CLEC16A: variants seen among roughly 807,000 people sequenced by gnomAD.
CLEC16A encodes C-type lectin domain containing 16A, also known as protein CLEC16A.
CLEC16A carries 51 observed loss-of-function variants against 109.5 expected under a neutral mutation model. The observed-to-expected ratio is 0.47, with a 90% confidence interval of 0.37 to 0.59. The LOEUF (loss-of-function observed/expected upper bound fraction) is 0.59. Among genes scored for constraint, CLEC16A ranks in the 20% least tolerant of loss-of-function variants. The pLI is 0.00. For missense variants in CLEC16A, 1,339 were observed against 1,394.0 expected (o/e 0.96, Z 0.63); for synonymous variants, 673 against 564.2 (o/e 1.19, Z -2.73).
chr16:11,168,420 G>A (rs11640376), intron 23 of CLEC16A, among the ~76,000 whole-genome samples: 14 of 152,092 alleles, frequency 9.2e-5, no homozygotes, highest in South Asian at 2.1e-4. Flanking sequence ...CATTTGGTGC[G>A]TCCCCAGCAG....
intron 19 of CLEC16A, among the ~76,000 whole-genome samples, chr16:11,076,856 G>A (rs1265881271): frequency 6.6e-6 from 1 of 152,134 alleles, no homozygotes; most frequent in Admixed American, 6.5e-5. Context: ...CCCACCCCAG[G>A]GCCTGCTGGG....
intron 19 of CLEC16A, among the ~76,000 whole-genome samples, chr16:11,115,586 C>T (rs891727664): frequency 2.0e-5 from 3 of 152,090 alleles, no homozygotes; most frequent in East Asian, 1.9e-4. Context: ...TTGCACAGGC[C>T]GGTGTGGAAC....
intron 11 of CLEC16A, among the ~76,000 whole-genome samples, chr16:11,016,210 C>G (rs60573313): frequency 0.039 from 5,832 of 149,150 alleles, 415 homozygotes; most frequent in African/African-American, 0.14. Context: ...GGTCCATACC[C>G]ACTTTGGAGA....
In CLEC16A at chr16:10,966,040, C is replaced by T. The variant is rs923695890; in HGVS notation, c.344-3121C>T. On this transcript the variant is annotated intron_variant, in intron 3 of 23. Coordinates refer to ENST00000409790, the MANE Select transcript of CLEC16A (RefSeq NM_015226.3). ...AGCTCCTTATCCTGCCAGCCCATTA[C>T]CCCTCCCTACTTCTCCCCCAGCAAG... Among the ~76,000 whole-genome samples the T allele has an allele frequency of 1.5e-4, 23 of 152,160 alleles. 1 individual carries two copies. Among genetic ancestry groups the T allele is most frequent in the African/African-American group, 2.9e-4 (12 of 41,434 alleles).
chr16:11,037,261 C>T (rs936380328), intron 13 of CLEC16A, among the ~76,000 whole-genome samples: 1 of 152,176 alleles, frequency 6.6e-6, no homozygotes. Context: ...TGTGTGGGTG[C>T]TGCCACCCTT....
At chr16:11,143,283 A>G (rs1035114456) in intron 22 of CLEC16A, among the ~76,000 whole-genome samples, 1 of 152,178 alleles carries the variant, frequency 6.6e-6, no homozygotes, top group Non-Finnish European at 1.5e-5. Flanking sequence ...GATGGGGAAG[A>G]CATCTTTGAG....
rs764374031 is a variant in CLEC16A, at chr16:11,115,237, A to G, written c.2117-5378A>G. 1.7e-4 allele frequency among the ~76,000 whole-genome samples: 26 copies of G among 152,198 alleles called. 1 individual carries two copies. Among genetic ancestry groups the G allele is most frequent in the Non-Finnish European group, 3.2e-4 (22 of 68,022 alleles). ...AGAAGGTAGTCAAGTTGTCCTGTGTAGAGTGAGGAAAGGGAAAGGAGAGGA... is the reference window on the plus strand; with the variant it reads ...AGAAGGTAGTCAAGTTGTCCTGTGTGGAGTGAGGAAAGGGAAAGGAGAGGA... On this transcript the variant is annotated intron_variant, in intron 19 of 23. Transcript: ENST00000409790.
At chr16:11,083,920 T>C (rs2049871787) in intron 19 of CLEC16A, among the ~76,000 whole-genome samples, 1 of 152,128 alleles carries the variant, frequency 6.6e-6, no homozygotes, top group Non-Finnish European at 1.5e-5. Context: ...GAAACCAGCT[T>C]TTCACCTTGT....
intron 1 of CLEC16A, 94 bp downstream of exon 1, chr16:10,944,891 C>A: frequency 1.7e-6 from 2 of 1,208,918 alleles, no homozygotes; most frequent in South Asian, 1.4e-5. Context: ...GTGAGAGCGG[C>A]GGCGAAGGGC....
chr16:10,997,271 T>C (rs2044386314), intron 10 of CLEC16A, among the ~76,000 whole-genome samples: 1 of 152,218 alleles, frequency 6.6e-6, no homozygotes, highest in Non-Finnish European at 1.5e-5. Flanking sequence ...CTGGGAAAGT[T>C]TTTAAATTGA....
intron 19 of CLEC16A, among the ~76,000 whole-genome samples, chr16:11,082,644 G>A (rs1360667117): frequency 6.6e-6 from 1 of 152,168 alleles, no homozygotes; most frequent in African/African-American, 2.4e-5. Context: ...GGCCAGCTCA[G>A]CCCTGGCGAT....
chr16:11,119,644 G>C (rs534706045), intron 19 of CLEC16A, among the ~76,000 whole-genome samples: 2 of 152,056 alleles, frequency 1.3e-5, no homozygotes, highest in African/African-American at 4.8e-5. Context: ...CTCCCTCCTC[G>C]GACTCCCAAA....
chr16:10,966,888 C>G (rs2042537337), intron 3 of CLEC16A, among the ~76,000 whole-genome samples: 1 of 152,126 alleles, frequency 6.6e-6, no homozygotes, highest in Non-Finnish European at 1.5e-5. Flanking sequence ...CATAGCCAAA[C>G]CATATCATAC....
At chr16:10,984,777 A>G (rs577524672) in intron 10 of CLEC16A, among the ~76,000 whole-genome samples, 12 of 152,364 alleles carry the variant, frequency 7.9e-5, no homozygotes, top group African/African-American at 2.9e-4. Context: ...AGTCAGCAGA[A>G]TCAGCAGGGC....
At chr16:10,989,070 A>G (rs1299421338) in intron 10 of CLEC16A, among the ~76,000 whole-genome samples, 2 of 152,172 alleles carry the variant, frequency 1.3e-5, no homozygotes, top group Non-Finnish European at 2.9e-5. Flanking sequence ...GTTAGTAATA[A>G]CAGTGATGAT....
At chr16:11,001,458 G>A (rs1320167943) in intron 10 of CLEC16A, among the ~76,000 whole-genome samples, 1 of 152,208 alleles carries the variant, frequency 6.6e-6, no homozygotes, top group Non-Finnish European at 1.5e-5. Flanking sequence ...TAGGAAGAGT[G>A]TGAGCTTTGG....
intron 19 of CLEC16A, among the ~76,000 whole-genome samples, chr16:11,111,742 C>T (rs1301515425): frequency 6.6e-6 from 1 of 152,202 alleles, no homozygotes; most frequent in Non-Finnish European, 1.5e-5. Flanking sequence ...AAAGAGCAGG[C>T]ATTAGGCTGT....
Position 11,003,204 on chromosome 16 carries a change from A to C in CLEC16A, c.1202A>C (p.Asp401Ala). The C allele has an allele frequency of 6.8e-6, 11 of 1,613,512 alleles. No individual in the cohort carries two copies. The South Asian group carries it at 8.8e-5, about 13-fold the overall frequency. The change falls in exon 11 of 24, where the codon GAT becomes GCT. Residue 401 changes from aspartate to alanine, a missense_variant. By Grantham distance (126) the Asp-to-Ala change is moderately radical. Coordinates refer to ENST00000409790, the MANE Select transcript of CLEC16A (RefSeq NM_015226.3). The part of the protein sequence containing the change: ...PNYKNVGEEE[D>A]EEKGPTEDAQ... ...TACAAAAACGTTGGGGAAGAAGAAG[A>C]TGAGGAGAAAGGGCCCACCGAGGAT...
At chr16:11,050,184 C>G (rs1047820518) in intron 17 of CLEC16A, among the ~76,000 whole-genome samples, 1 of 152,236 alleles carries the variant, frequency 6.6e-6, no homozygotes, top group Admixed American at 6.5e-5. Flanking sequence ...AGAACTCACT[C>G]TTATAACAAA....
Sources: gnomAD v4.1 joint callset for allele counts (sites outside exome capture counted in the v4.1 genomes callset) on GRCh38, gnomAD v4.1.1 for gene constraint, MANE v1.5 for transcripts, NCBI Gene and HGNC (gene_info 2026-07-23, HGNC 2026-07-21) for gene names.